LRP1B: variants seen among roughly 807,000 people sequenced by gnomAD.
LRP1B encodes low-density lipoprotein receptor-related protein 1B.
Under a neutral mutation model 556.6 loss-of-function variants are expected in LRP1B, and 217 were observed. The ratio of observed to expected loss-of-function variants is 0.39; its 90% confidence interval spans 0.35 to 0.44. The LOEUF (loss-of-function observed/expected upper bound fraction) is 0.44. Among genes scored for constraint, LRP1B ranks in the 20% least tolerant of loss-of-function variants. The pLI, the probability that LRP1B is intolerant of heterozygous loss-of-function variation, is 1.00. For synonymous variants in LRP1B, 2,047 were observed against 1,865.8 expected (o/e 1.10, Z -2.50); for missense variants, 5,053 against 5,620.8 (o/e 0.90, Z 3.23).
In LRP1B at chr2:141,164,303, G is replaced by A. The variant is rs998086502; in HGVS notation, c.1013+24118C>T. The stretch of plus-strand genomic sequence containing the variant: ...CAACTTAATCATTATTTGACTCTAC[G>A]GTAATAAAAAGTTGACTAACATTGG... On this transcript the variant is annotated intron_variant, in intron 7 of 90. Transcript: ENST00000389484. Among the ~76,000 whole-genome samples, 5 of 151,768 alleles carry A rather than the reference G, an allele frequency of 3.3e-5. No homozygotes were observed. The East Asian group carries it at 5.8e-4, about 18-fold the overall frequency.
At chr2:140,513,920 C>T (rs1015135051) in intron 51 of LRP1B, among the ~76,000 whole-genome samples, 2 of 151,834 alleles carry the variant, frequency 1.3e-5, no homozygotes, top group African/African-American at 2.4e-5. Flanking sequence ...GATAGACAAC[C>T]AATAGACATC....
intron 1 of LRP1B, among the ~76,000 whole-genome samples, chr2:142,050,524 C>A (rs1704418186): frequency 6.6e-6 from 1 of 152,034 alleles, no homozygotes; most frequent in South Asian, 2.1e-4. Context: ...CATCACATAT[C>A]CTACAATTCA....
rs1290245791 is a variant in LRP1B, at chr2:141,467,108, A to G, written c.343+13288T>C. On this transcript the variant is annotated intron_variant, in intron 3 of 90. Transcript: ENST00000389484. ...CACACACACATATATATGTGTATATATATATATATATATATCTATATATAT... is the reference window on the plus strand; with the variant it reads ...CACACACACATATATATGTGTATATGTATATATATATATATCTATATATAT... Among the ~76,000 whole-genome samples, 31 of 6,522 alleles carry G rather than the reference A, an allele frequency of 4.8e-3. 1 individual carries two copies. The highest frequency in any genetic ancestry group is 0.013 in the Non-Finnish European group (21 of 1,678). The allele number at this position is 6,522 out of a possible 152,430, so 4.3% of individuals were successfully genotyped here. A position where few individuals can be genotyped will look rare whatever the true frequency, so the allele number is the denominator to read the frequency against.
intron 2 of LRP1B, among the ~76,000 whole-genome samples, chr2:141,507,403 T>TA (rs34138942): frequency 0.32 from 47,917 of 151,998 alleles, 8,478 homozygotes; most frequent in Non-Finnish European, 0.4. Flanking sequence ...CCAATAGTTT[T>TA]AAAAAATGAT....
At position 141,053,963 on chromosome 2, in the gene LRP1B, A is replaced by G. The variant is rs559895121; in HGVS notation, c.1552+1153T>C. 1.2e-4 allele frequency among the ~76,000 whole-genome samples: 18 copies of G among 152,060 alleles called. No homozygotes were observed. In the East Asian group the frequency reaches 3.3e-3, roughly 28 times the overall value. On this transcript the variant is annotated intron_variant, in intron 10 of 90. Coordinates refer to ENST00000389484, the MANE Select transcript of LRP1B (RefSeq NM_018557.3). ...TGAGGCTTCAAACTCAGTACCCTCA[A>G]TTATCCAGAAGGCCTAGAAACATGA...
chr2:140,675,536 A>G (rs1311996583), intron 41 of LRP1B, among the ~76,000 whole-genome samples: 1 of 152,220 alleles, frequency 6.6e-6, no homozygotes, highest in African/African-American at 2.4e-5. Context: ...AAAGTTACCA[A>G]ATAGTCTTTA....
intron 1 of LRP1B, among the ~76,000 whole-genome samples, chr2:142,099,109 T>C (rs550314249): frequency 6.6e-6 from 1 of 151,950 alleles, no homozygotes; most frequent in Non-Finnish European, 1.5e-5. Context: ...CAAGTTGATA[T>C]CCAGTACATA....
intron 6 of LRP1B, among the ~76,000 whole-genome samples, chr2:141,209,507 G>A (rs1310265793): frequency 6.6e-6 from 1 of 152,152 alleles, no homozygotes; most frequent in Non-Finnish European, 1.5e-5. Context: ...TGTGAGAACG[G>A]ACTAATCCAA....
intron 41 of LRP1B, among the ~76,000 whole-genome samples, chr2:140,675,472 G>A (rs912493941): frequency 6.6e-6 from 1 of 152,144 alleles, no homozygotes; most frequent in African/African-American, 2.4e-5. Flanking sequence ...ATTTGATTAA[G>A]TTATAACATT....
intron 66 of LRP1B, among the ~76,000 whole-genome samples, chr2:140,430,573 T>C (rs1391270421): frequency 6.6e-6 from 1 of 152,140 alleles, no homozygotes; most frequent in Non-Finnish European, 1.5e-5. Flanking sequence ...GGCCAGTTTT[T>C]CTCCTTCACA....
At chr2:141,542,255 T>G (rs577583649) in intron 2 of LRP1B, among the ~76,000 whole-genome samples, 2 of 152,076 alleles carry the variant, frequency 1.3e-5, no homozygotes, top group Non-Finnish European at 2.9e-5. Flanking sequence ...GCTTTCTAAC[T>G]TTATTTTTAA....
At chr2:140,276,650 A>C (rs182009141) in intron 84 of LRP1B, among the ~76,000 whole-genome samples, 28 of 152,082 alleles carry the variant, frequency 1.8e-4, no homozygotes, top group African/African-American at 6.5e-4. Flanking sequence ...ACTCATAAAA[A>C]GCTCTTTTAA....
chr2:141,986,740 GA>G, intron 1 of LRP1B, among the ~76,000 whole-genome samples: 1 of 152,038 alleles, frequency 6.6e-6, no homozygotes, highest in East Asian at 1.9e-4. Context: ...GAATGGAATG[GA>G]AACGTGAGTT....
intron 1 of LRP1B, among the ~76,000 whole-genome samples, chr2:141,980,698 A>G (rs1702019583): frequency 6.6e-6 from 1 of 152,254 alleles, no homozygotes; most frequent in South Asian, 2.1e-4. Context: ...ATTTCCCTGC[A>G]CTGTCCAATG....
intron 3 of LRP1B, among the ~76,000 whole-genome samples, chr2:141,295,465 GA>G (rs541960832): frequency 1.3e-5 from 2 of 151,660 alleles, no homozygotes; most frequent in South Asian, 2.1e-4. Context: ...ATTTAGGGAG[GA>G]AAAAAAATTG....
intron 3 of LRP1B, among the ~76,000 whole-genome samples, chr2:141,376,435 T>G (rs1001496128): frequency 2.0e-5 from 3 of 152,178 alleles, no homozygotes; most frequent in Non-Finnish European, 4.4e-5. Flanking sequence ...TTACTTCTGG[T>G]GCTTCCCATC....
chr2:141,753,167 G>T (rs576405082), intron 2 of LRP1B, among the ~76,000 whole-genome samples: 1 of 145,102 alleles, frequency 6.9e-6, no homozygotes, highest in African/African-American at 2.5e-5. Flanking sequence ...AGAATCGCTT[G>T]AACCTGGGAG....
intron 1 of LRP1B, among the ~76,000 whole-genome samples, chr2:141,891,246 AG>A (rs752596187): frequency 5.3e-5 from 8 of 152,200 alleles, no homozygotes; most frequent in Non-Finnish European, 1.0e-4. Flanking sequence ...AGAGAAGGAA[AG>A]GTTTCAAAGA....
intron 82 of LRP1B, among the ~76,000 whole-genome samples, chr2:140,319,108 T>G (rs1186330719): frequency 6.6e-6 from 1 of 152,088 alleles, no homozygotes; most frequent in Non-Finnish European, 1.5e-5. Flanking sequence ...TGCAGGGTAT[T>G]CATAGAGTTT....
Sources: gnomAD v4.1 joint callset for allele counts (sites outside exome capture counted in the v4.1 genomes callset) on GRCh38, gnomAD v4.1.1 for gene constraint, MANE v1.5 for transcripts, NCBI Gene and HGNC (gene_info 2026-07-23, HGNC 2026-07-21) for gene names.